The following ASTE1 variants were observed in gnomAD, a reference collection of about 807,000 sequenced individuals.
ASTE1 encodes the protein single-strand DNA endonuclease ASTE1.
Under a neutral mutation model 45.8 loss-of-function variants are expected in ASTE1, and 49 were observed. That is an observed-to-expected ratio of 1.07 (90% CI 0.85 to 1.36). ASTE1 has a LOEUF of 1.36. Ranked by LOEUF, ASTE1 falls within the 40% of genes most tolerant of loss-of-function variation. The pLI, the probability that ASTE1 is intolerant of heterozygous loss-of-function variation, is 0.00. For missense variants in ASTE1, 709 were observed against 804.0 expected (o/e 0.88, Z 1.43); for synonymous variants, 296 against 303.9 (o/e 0.97, Z 0.27).
chr3:131,018,481 ACTCCTGTAATT>A lies in ASTE1; in HGVS notation c.1513+14_1513+24del. On this transcript the variant is annotated intron_variant, in intron 4 of 5. Coordinates refer to ENST00000264992, the MANE Select transcript of ASTE1 (RefSeq NM_014065.4). ...GTTTGCAAGCAACATGCCACAATAT[ACTCCTGTAATT>A]TCCAGTTACCTACCAGGGCTGTTGA... is the stretch of plus-strand genomic sequence containing the variant. 6.2e-7 allele frequency: 1 copy of A among 1,600,964 alleles called. No individual in the cohort carries two copies. Among genetic ancestry groups the A allele is most frequent in the African/African-American group, 1.3e-5 (1 of 74,636 alleles).
At chr3:131,023,484 A>C (rs2063769019) in intron 3 of ASTE1, among the ~76,000 whole-genome samples, 1 of 152,214 alleles carries the variant, frequency 6.6e-6, no homozygotes. Context: ...TTTCTGTATC[A>C]AACTAGGCAA....
intron 4 of ASTE1, 144 bp from the exon 5 acceptor site, chr3:131,016,483 C>T: frequency 1.1e-6 from 1 of 898,076 alleles, no homozygotes; most frequent in Non-Finnish European, 1.7e-6. Flanking sequence ...TTCATAAATG[C>T]CTTGCTGTAT....
Position 131,016,360 on chromosome 3 carries a change from A to T in ASTE1, c.1514-21T>A, listed in dbSNP as rs761832164. 2.5e-6 allele frequency: 4 copies of T among 1,614,008 alleles called. 1 individual carries two copies. ...CTTACCTAAATAAAGAAACAGCCCA[A>T]GGGCAGTATTTCTAAAAGCACTGTA... On this transcript the variant is annotated intron_variant, in intron 4 of 5. Coordinates refer to ENST00000264992, the MANE Select transcript of ASTE1 (RefSeq NM_014065.4).
At chr3:131,017,027 C>T (rs1238520033) in intron 4 of ASTE1, 1 of 1,289,396 alleles carries the variant, frequency 7.8e-7, no homozygotes, top group Admixed American at 2.3e-5. Context: ...ACTGAGCCTG[C>T]CTGGGTACAG....
chr3:131,022,162 G>A (rs1335912880), intron 3 of ASTE1, among the ~76,000 whole-genome samples: 2 of 152,164 alleles, frequency 1.3e-5, no homozygotes, highest in East Asian at 3.8e-4. Context: ...TGAGTGCAGT[G>A]TCTTGTAAGT....
chr3:131,018,002 A>G (rs1366227697), intron 4 of ASTE1, among the ~76,000 whole-genome samples: 2 of 150,648 alleles, frequency 1.3e-5, no homozygotes, highest in African/African-American at 2.4e-5. Flanking sequence ...AAAAAGGACA[A>G]ATTACTATTT....
chr3:131,024,522 C>A lies in ASTE1; in HGVS notation c.785G>T (p.Trp262Leu). The change falls in exon 3 of 6, where the codon TGG becomes TTG. Residue 262 changes from tryptophan to leucine, a missense_variant. Transcript: ENST00000264992. ...RHHRILGLLNWLSHFANPTEA... is the reference protein window; with the variant it reads ...RHHRILGLLNLLSHFANPTEA... ...GGTAGGGTTGGCAAAATGAGACAAC[C>A]AATTCAGAAGTCCCAGGATTCGGTG... 2 of 1,614,026 alleles carry A rather than the reference C, an allele frequency of 1.2e-6. No homozygotes were observed. The highest frequency in any genetic ancestry group is 1.7e-6 in the Non-Finnish European group (2 of 1,180,010).
chr3:131,018,477 A>C, intron 4 of ASTE1, 29 bp downstream of exon 4: 4 of 1,599,038 alleles, frequency 2.5e-6, no homozygotes, highest in Non-Finnish European at 3.4e-6. Context: ...ACATGCCACA[A>C]TATACTCCTG....
intron 3 of ASTE1, 102 bp from the exon 4 acceptor site, chr3:131,018,818 G>A (rs2063704815): frequency 8.6e-7 from 1 of 1,160,598 alleles, no homozygotes; most frequent in South Asian, 1.5e-5. Context: ...TGAAACTTCT[G>A]TCAGCTGTTA....
chr3:131,016,468 C>G (rs1056248599), intron 4 of ASTE1, 129 bp from the exon 5 acceptor site: 4 of 1,049,608 alleles, frequency 3.8e-6, no homozygotes, highest in Non-Finnish European at 5.5e-6. Flanking sequence ...TTTTTCTCTT[C>G]TGGCTTCATA....
Position 131,025,050 on chromosome 3 carries a change from T to C in ASTE1, c.257A>G (p.Asp86Gly), listed in dbSNP as rs376661631. 1.2e-6 allele frequency: 2 copies of C among 1,606,180 alleles called. No homozygotes were observed. Among genetic ancestry groups the C allele is most frequent in the African/African-American group, 2.7e-5 (2 of 74,532 alleles). The change falls in exon 3 of 6, where the codon GAT (aspartate) becomes GGT (glycine). Residue 86 changes from aspartate (D) to glycine (G), a missense_variant. Asp to Gly is a moderately conservative substitution (Grantham distance 94). Coordinates refer to ENST00000264992, the MANE Select transcript of ASTE1 (RefSeq NM_014065.4). ...ATCCTTTAAAGTTGTAAGCTTTTTA[T>C]CTGAAATGTCACATCCTCCATCTAA... ...VVLDGGCDIS[D>G]KKLTTLKDRA...
chr3:131,015,255 G>A (rs765364699), intron 5 of ASTE1: 9 of 700,540 alleles, frequency 1.3e-5, no homozygotes, highest in South Asian at 1.2e-4. Context: ...AAGGCACTGG[G>A]GCTGCAACAG....
intron 4 of ASTE1, 98 bp downstream of exon 4, chr3:131,018,408 G>A: frequency 8.3e-7 from 1 of 1,200,652 alleles, no homozygotes; most frequent in South Asian, 1.4e-5. Context: ...ATTAATGGGA[G>A]TAAATAATCC....
At chr3:131,014,788 A>AC (rs1264260268) in intron 5 of ASTE1, among the ~76,000 whole-genome samples, 3 of 152,218 alleles carry the variant, frequency 2.0e-5, no homozygotes, top group African/African-American at 7.2e-5. Context: ...CACTGAGACT[A>AC]AAAACCTACT....
chr3:131,019,288 T>G (rs545332896), intron 3 of ASTE1, among the ~76,000 whole-genome samples: 1 of 152,296 alleles, frequency 6.6e-6, no homozygotes, highest in African/African-American at 2.4e-5. Flanking sequence ...CCCTTCCCTG[T>G]TGAATGCTTT....
chr3:131,016,027 G>GTT, intron 5 of ASTE1, 117 bp downstream of exon 5: 1 of 1,226,332 alleles, frequency 8.2e-7, no homozygotes, highest in Non-Finnish European at 1.1e-6. Context: ...ATTAAGATTA[G>GTT]TTTTTTTTTG....
chr3:131,018,823 CTGTTAAACT>C, intron 3 of ASTE1, 107 bp from the exon 4 acceptor site: 1 of 1,098,396 alleles, frequency 9.1e-7, no homozygotes, highest in East Asian at 2.6e-5. Context: ...CTTCTGTCAG[CTGTTAAACT>C]TATCTTCTTG....
Position 131,016,334 on chromosome 3 carries a change from C to A in ASTE1, c.1519G>T (p.Glu507Ter). 1 of 1,614,142 alleles carries A rather than the reference C, an allele frequency of 6.2e-7. No homozygotes were observed. The highest frequency in any genetic ancestry group is 1.1e-5 in the South Asian group (1 of 91,088). ...LIAIINSPGK[E>*]ELQEDGAKML... ...TTAGCACCATCTTCCTGCAGCTCTT[C>A]CTTACCTAAATAAAGAAACAGCCCA... Residue 507 changes from glutamate to a stop codon, truncating the protein, a stop_gained, in exon 5 of 6, where the codon GAA becomes TAA. Transcript: ENST00000264992. LOFTEE classifies it high-confidence loss of function.
Position 131,025,088 on chromosome 3 carries a change from G to A in ASTE1, c.219C>T (p.Cys73=). ...FFESLFACNI[C]PYVVLDGGCD... ...ATCCTCCATCTAATACAACATATGG[G>A]CATATATTACAAGCAAACAGTGATT... is the stretch of plus-strand genomic sequence containing the variant. Residue 73 remains cysteine, a synonymous_variant, in exon 3 of 6, where the codon TGC becomes TGT. Transcript: ENST00000264992. 6.2e-7 allele frequency: 1 copy of A among 1,613,948 alleles called. No homozygotes were observed. The highest frequency in any genetic ancestry group is 8.5e-7 in the Non-Finnish European group (1 of 1,179,956).
Sources: gnomAD v4.1 joint callset for allele counts (sites outside exome capture counted in the v4.1 genomes callset) on GRCh38, gnomAD v4.1.1 for gene constraint, MANE v1.5 for transcripts, NCBI Gene and HGNC (gene_info 2026-07-23, HGNC 2026-07-21) for gene names.